Variants in IQCH observed in about 807,000 individuals in gnomAD.
IQCH encodes the protein IQ motif containing H, also known as IQ domain-containing protein H.
A neutral mutation model predicts 117.0 loss-of-function variants in IQCH; 98 were observed. The observed-to-expected ratio is 0.84, with a 90% CI of 0.71 to 0.99. IQCH has a LOEUF of 0.99. Among genes scored for constraint, IQCH ranks in the 50% least tolerant of loss-of-function variants. IQCH has a pLI of 0.00. For synonymous variants in IQCH, 412 were observed against 448.2 expected (o/e 0.92, Z 1.02); for missense variants, 1,102 against 1,243.8 (o/e 0.89, Z 1.72).
At chr15:67,410,286 G>T (rs1052179747) in intron 14 of IQCH, among the ~76,000 whole-genome samples, 2 of 152,192 alleles carry the variant, frequency 1.3e-5, no homozygotes, top group African/African-American at 4.8e-5. Flanking sequence ...AAAATAAAGA[G>T]AATTTATTAT....
chr15:67,327,860 G>C (rs1968481276), intron 4 of IQCH, among the ~76,000 whole-genome samples: 1 of 152,134 alleles, frequency 6.6e-6, no homozygotes. Flanking sequence ...GGAATCTCCT[G>C]TCCTTCTTGC....
chr15:67,270,306 G>A (rs1232597156), intron 3 of IQCH, among the ~76,000 whole-genome samples: 3 of 152,184 alleles, frequency 2.0e-5, no homozygotes, highest in African/African-American at 7.2e-5. Flanking sequence ...CCAGATCCTA[G>A]AGGAAAGGCA....
At position 67,336,099 on chromosome 15, in the gene IQCH, TG is replaced by T. The variant is rs371735643; in HGVS notation, c.388-875del. Among the ~76,000 whole-genome samples the T allele has an allele frequency of 6.8e-4, 104 of 152,234 alleles. 4 individuals are homozygous for T. In the East Asian group the frequency reaches 0.012, roughly 18 times the overall value. ...AATAATCTGTGCATATCTAGTATAC[TG>T]CATGGCCTGAAACAAATTTCTAATC... On this transcript the variant is annotated intron_variant, in intron 4 of 20. Transcript: ENST00000335894.
intron 14 of IQCH, among the ~76,000 whole-genome samples, chr15:67,409,792 G>A (rs2140890014): frequency 6.6e-6 from 1 of 152,306 alleles, no homozygotes; most frequent in East Asian, 1.9e-4. Flanking sequence ...AAACATTTGT[G>A]TGCCTTGGTA....
rs1225981611 is a variant in IQCH, at chr15:67,493,636, G to C, written c.2862-622G>C. 6.6e-6 allele frequency among the ~76,000 whole-genome samples: 1 copy of C among 152,172 alleles called. No homozygotes were observed. Among genetic ancestry groups the C allele is most frequent in the Admixed American group, 6.5e-5 (1 of 15,282 alleles). ...TCGGCAAGGATCACACTTAGCGACA[G>C]TTCTCCTAAAGTAACTTAAACCATT... is the stretch of plus-strand genomic sequence containing the variant. On this transcript the variant is annotated intron_variant, in intron 19 of 20. Coordinates refer to ENST00000335894, the MANE Select transcript of IQCH (RefSeq NM_001031715.3). The surrounding 1 kb of genome is among the most constrained non-coding windows in gnomAD (Gnocchi z 5.1).
intron 3 of IQCH, among the ~76,000 whole-genome samples, chr15:67,273,797 A>G (rs998626980): frequency 6.6e-6 from 1 of 152,112 alleles, no homozygotes; most frequent in Admixed American, 6.5e-5. Flanking sequence ...TTTGCACATT[A>G]GTGACTTTTT....
rs1231013392 is a variant in IQCH at position 67,388,915 on chromosome 15, A to G, written c.1541A>G (p.His514Arg). ...TATTACAAAAAAATCCTAAGTCTAC[A>G]TGCAGCCGTCAAATCTGGGAACCTT... ...VLYYKKILSL[H>R]AAVKSGNLED... is the part of the protein sequence containing the mutation. Residue 514 changes from histidine (H) to arginine (R), a missense_variant, in exon 12 of 21, where the codon CAT becomes CGT. His to Arg is a conservative substitution (Grantham distance 29). Coordinates refer to ENST00000335894, the MANE Select transcript of IQCH (RefSeq NM_001031715.3). This position sits in a 1 kb window ranked among gnomAD's most constrained non-coding sequence, Gnocchi z 5.5. 1.2e-6 allele frequency: 2 copies of G among 1,613,960 alleles called. No homozygotes were observed. The highest frequency in any genetic ancestry group is 2.2e-5 in the East Asian group (1 of 44,872).
At chr15:67,380,221 AACC>A (rs1301608391) in intron 10 of IQCH, among the ~76,000 whole-genome samples, 1 of 152,218 alleles carries the variant, frequency 6.6e-6, no homozygotes, top group Admixed American at 6.5e-5. Context: ...ATGCTGTGCT[AACC>A]ACTGAGAAAA....
intron 12 of IQCH, among the ~76,000 whole-genome samples, chr15:67,392,451 C>A (rs1971317667): frequency 6.6e-6 from 1 of 152,112 alleles, no homozygotes; most frequent in South Asian, 2.1e-4. Flanking sequence ...CATTGAGTTT[C>A]CTAGAACTGC....
At chr15:67,421,270 A>C (rs748254790) in intron 15 of IQCH, 21 bp from the exon 16 acceptor site, 20 of 1,605,384 alleles carry the variant, frequency 1.2e-5, no homozygotes, top group Non-Finnish European at 1.6e-5. Flanking sequence ...CCTTTCACCT[A>C]CTCCATGTTT....
chr15:67,307,851 A>T (rs964926249), intron 4 of IQCH, among the ~76,000 whole-genome samples: 2 of 152,164 alleles, frequency 1.3e-5, no homozygotes, highest in African/African-American at 4.8e-5. Flanking sequence ...GATGACAAAG[A>T]GGGAACATTT....
intron 10 of IQCH, among the ~76,000 whole-genome samples, chr15:67,378,478 A>G (rs1258453145): frequency 1.3e-5 from 2 of 148,858 alleles, no homozygotes; most frequent in Non-Finnish European, 3.0e-5. Flanking sequence ...GGATAGGTGT[A>G]CTGCCAAGAC....
At chr15:67,450,034 A>G (rs1317321070) in intron 16 of IQCH, among the ~76,000 whole-genome samples, 1 of 152,022 alleles carries the variant, frequency 6.6e-6, no homozygotes, top group Admixed American at 6.6e-5. Flanking sequence ...TTTGTCTGTT[A>G]TTGGTGTATA....
At chr15:67,441,532 A>C (rs1031707893) in intron 16 of IQCH, among the ~76,000 whole-genome samples, 1 of 152,212 alleles carries the variant, frequency 6.6e-6, no homozygotes, top group Non-Finnish European at 1.5e-5. Flanking sequence ...CTGGTATAAA[A>C]ATAGGCACAT....
At chr15:67,371,640 C>T in intron 8 of IQCH, 1 of 699,138 alleles carries the variant, frequency 1.4e-6, no homozygotes, top group South Asian at 2.2e-5. Flanking sequence ...TTTATGAAGT[C>T]AGAAACAATT....
At chr15:67,315,696 C>T (rs1475933807) in intron 4 of IQCH, among the ~76,000 whole-genome samples, 2 of 152,002 alleles carry the variant, frequency 1.3e-5, no homozygotes, top group Non-Finnish European at 2.9e-5. Context: ...TATGAAATAC[C>T]ACTCGCCTTC....
chr15:67,447,692 CT>C lies in IQCH; in HGVS notation c.2506-17431del, dbSNP rs1183843803. On this transcript the variant is annotated intron_variant, in intron 16 of 20. Coordinates refer to ENST00000335894, the MANE Select transcript of IQCH (RefSeq NM_001031715.3). The surrounding 1 kb of genome is among the most constrained non-coding windows in gnomAD (Gnocchi z 5.3). ...GAAGGTGGAAACATCTGGGACAAAG[CT>C]TTTCTGAGCCACCGGCCCACTACCT... Among the ~76,000 whole-genome samples, 2 of 152,066 alleles carry C rather than the reference CT, an allele frequency of 1.3e-5. No individual in the cohort carries two copies. The highest frequency in any genetic ancestry group is 4.8e-5 in the African/African-American group (2 of 41,398).
rs893479256 is a variant in IQCH at position 67,376,294 on chromosome 15, G to A, written c.1372+2861G>A. On this transcript the variant is annotated intron_variant, in intron 10 of 20. Coordinates refer to ENST00000335894, the MANE Select transcript of IQCH (RefSeq NM_001031715.3). This position sits in a 1 kb window ranked among gnomAD's most constrained non-coding sequence, Gnocchi z 5.0. ...CAAACTTCTTTGTCTCATGCACCAG[G>A]GACTTACCTATACAATTCATAAAAA... Among the ~76,000 whole-genome samples the A allele has an allele frequency of 1.3e-5, 2 of 152,098 alleles. No homozygotes were observed. The highest frequency in any genetic ancestry group is 1.9e-4 in the East Asian group (1 of 5,194).
chr15:67,261,740 A>G (rs529886740), intron 2 of IQCH, among the ~76,000 whole-genome samples: 61 of 152,350 alleles, frequency 4.0e-4, no homozygotes, highest in Non-Finnish European at 7.6e-4. Context: ...TCAATCCAAC[A>G]ATATGCCTGA....
Sources: allele counts gnomAD v4.1 joint callset (sites outside exome capture counted in the v4.1 genomes callset), GRCh38; gene constraint gnomAD v4.1.1; non-coding constraint Gnocchi (gnomAD v3.1); transcripts MANE v1.5; gene names NCBI Gene and HGNC (gene_info 2026-07-23, HGNC 2026-07-21).